The following TLN2 variants were observed in gnomAD, a reference collection of about 807,000 sequenced individuals.
TLN2 encodes talin-2.
TLN2 carries 118 observed loss-of-function variants against 294.7 expected under a neutral mutation model. The ratio of observed to expected loss-of-function variants is 0.40; its 90% CI spans 0.34 to 0.47. The LOEUF (loss-of-function observed/expected upper bound fraction) is 0.47. Among genes scored for constraint, TLN2 ranks in the 20% least tolerant of loss-of-function variants. TLN2 has a pLI of 0.84. For synonymous variants in TLN2, 1,431 were observed against 1,304.5 expected (o/e 1.10, Z -2.09); for missense variants, 3,083 against 3,282.2 (o/e 0.94, Z 1.48).
At chr15:62,695,022 A>T (rs562228652) in intron 14 of TLN2, among the ~76,000 whole-genome samples, 3 of 152,360 alleles carry the variant, frequency 2.0e-5, no homozygotes, top group African/African-American at 7.2e-5. Flanking sequence ...TAAAGCACAT[A>T]AAACAATGCC....
chr15:62,548,472 T>C, intron 1 of TLN2, among the ~76,000 whole-genome samples: 1 of 152,208 alleles, frequency 6.6e-6, no homozygotes, highest in Non-Finnish European at 1.5e-5. Flanking sequence ...ACTTTTCAAG[T>C]TGCACACAGG....
chr15:62,840,670 G>A lies in TLN2; in HGVS notation c.*60G>A. 5 of 1,565,448 alleles carry A rather than the reference G, an allele frequency of 3.2e-6. No homozygotes were observed. Among genetic ancestry groups the A allele is most frequent in the Middle Eastern group, 3.5e-4 (2 of 5,642 alleles). ...GCCCTGGCTGAACTGGACAGACAGT[G>A]TTCCTGAGAGGCTGGGCACTTAGCT... On this transcript the variant is annotated 3_prime_UTR_variant, in exon 59 of 59. Coordinates refer to ENST00000636159, the MANE Select transcript of TLN2 (RefSeq NM_015059.3).
chr15:62,463,419 A>G (rs865923097), intron 1 of TLN2, among the ~76,000 whole-genome samples: 2 of 152,226 alleles, frequency 1.3e-5, no homozygotes, highest in African/African-American at 2.4e-5. Context: ...GAAATGATGT[A>G]GAAAGCATAA....
intron 2 of TLN2, among the ~76,000 whole-genome samples, chr15:62,592,693 A>G (rs16945350): frequency 0.029 from 4,344 of 152,344 alleles, 166 homozygotes; most frequent in African/African-American, 0.088. Context: ...TAACCAATCA[A>G]TCATGCTCTT....
At chr15:62,477,409 A>C (rs1490245902) in intron 1 of TLN2, among the ~76,000 whole-genome samples, 1 of 152,176 alleles carries the variant, frequency 6.6e-6, no homozygotes, top group African/African-American at 2.4e-5. Context: ...GGAGACCCTC[A>C]GGGTTTTGTC....
intron 45 of TLN2, among the ~76,000 whole-genome samples, chr15:62,791,660 C>G (rs1271136655): frequency 6.6e-6 from 1 of 152,150 alleles, no homozygotes; most frequent in Non-Finnish European, 1.5e-5. Context: ...ATAACTATTC[C>G]TGATAGACGC....
intron 1 of TLN2, among the ~76,000 whole-genome samples, chr15:62,421,520 T>G (rs541507998): frequency 1.7e-4 from 26 of 152,310 alleles, no homozygotes; most frequent in South Asian, 1.4e-3. Flanking sequence ...TCATGTCCTT[T>G]GCAGGAACAC....
At chr15:62,397,845 G>A (rs2032683539) in intron 1 of TLN2, among the ~76,000 whole-genome samples, 1 of 152,180 alleles carries the variant, frequency 6.6e-6, no homozygotes, top group South Asian at 2.1e-4. Flanking sequence ...CCCAGAGAGG[G>A]CTGGGCTGGT....
intron 39 of TLN2, 68 bp downstream of exon 39, chr15:62,762,521 C>G: frequency 1.3e-6 from 2 of 1,538,686 alleles, no homozygotes; most frequent in East Asian, 2.3e-5. Context: ...ATAAGCCCAC[C>G]AGGCTTTTTA....
At chr15:62,830,995 G>T (rs1402831249) in intron 54 of TLN2, 1 of 150,698 alleles carries the variant, frequency 6.6e-6, no homozygotes, top group Admixed American at 6.6e-5. Context: ...ATCTGTGGGT[G>T]TCAAAAATAT....
chr15:62,681,675 T>G lies in TLN2; in HGVS notation c.958-4966T>G, dbSNP rs151161850. 5.0e-4 allele frequency among the ~76,000 whole-genome samples: 76 copies of G among 152,326 alleles called. 1 individual carries two copies. In the East Asian group the frequency reaches 6.9e-3, roughly 14 times the overall value. On this transcript the variant is annotated intron_variant, in intron 11 of 58. Coordinates refer to ENST00000636159, the MANE Select transcript of TLN2 (RefSeq NM_015059.3). ...GTACCTAAACTCTCTAAATCTCAGT[T>G]TCTTCATCTGAAAAATAGGAATAAT...
At chr15:62,826,090 C>A (rs1344203543) in intron 54 of TLN2, among the ~76,000 whole-genome samples, 1 of 150,960 alleles carries the variant, frequency 6.6e-6, no homozygotes, top group African/African-American at 2.4e-5. Context: ...CCAGTAGGTC[C>A]TTGTCAGATC....
At chr15:62,739,631 G>A in intron 31 of TLN2, 86 bp downstream of exon 31, 3 of 1,497,266 alleles carry the variant, frequency 2.0e-6, no homozygotes, top group Non-Finnish European at 2.7e-6. Context: ...TGAACAAATA[G>A]GAAAAGGAAC....
chr15:62,645,474 G>A (rs113560991), intron 3 of TLN2, among the ~76,000 whole-genome samples: 1,534 of 152,288 alleles, frequency 0.01, 29 homozygotes, highest in African/African-American at 0.034. Context: ...GCAGTTGGAC[G>A]GCCTGAAAGG....
chr15:62,614,931 G>C (rs953399397), intron 2 of TLN2, among the ~76,000 whole-genome samples: 2 of 152,024 alleles, frequency 1.3e-5, no homozygotes, highest in African/African-American at 2.4e-5. Context: ...TCAGCCTCCC[G>C]AGTTGCTGGG....
At chr15:62,655,068 G>GA (rs1022566716) in intron 7 of TLN2, among the ~76,000 whole-genome samples, 4 of 146,926 alleles carry the variant, frequency 2.7e-5, no homozygotes, top group Non-Finnish European at 6.0e-5. Flanking sequence ...CCCTTTCTGT[G>GA]TTTTTTTTTT....
At chr15:62,582,195 T>TACACACACACACAC (rs67748452) in intron 1 of TLN2, among the ~76,000 whole-genome samples, 2,554 of 66,364 alleles carry the variant, frequency 0.038, 169 homozygotes, top group East Asian at 0.046. Context: ...TGTGTATGCA[T>TACACACACACACAC]ACACACACAC....
At chr15:62,659,124 T>C (rs2053551591) in intron 9 of TLN2, among the ~76,000 whole-genome samples, 1 of 152,204 alleles carries the variant, frequency 6.6e-6, no homozygotes, top group Admixed American at 6.5e-5. Context: ...GATGCCACCA[T>C]GGTCATTTTA....
chr15:62,568,430 T>C (rs2043591760), intron 1 of TLN2, among the ~76,000 whole-genome samples: 1 of 152,192 alleles, frequency 6.6e-6, no homozygotes, highest in Non-Finnish European at 1.5e-5. Context: ...ACGATTATTT[T>C]TGGTCTATAG....
Sources: gnomAD v4.1 joint callset for allele counts (sites outside exome capture counted in the v4.1 genomes callset) on GRCh38, gnomAD v4.1.1 for gene constraint, MANE v1.5 for transcripts, NCBI Gene and HGNC (gene_info 2026-07-23, HGNC 2026-07-21) for gene names.